Variants in C3orf49 observed in about 807,000 individuals in gnomAD.
C3orf49 encodes the protein putative uncharacterized protein C3orf49.
In C3orf49, 27 loss-of-function variants were observed where a neutral mutation model predicts 13.3. The observed-to-expected ratio is 2.02, with a 90% confidence interval of 1.49 to 2.79. C3orf49 has a LOEUF of 2.79. Among genes scored for constraint, C3orf49 ranks in the 30% most tolerant of loss-of-function variants. The pLI is 0.00. For synonymous variants in C3orf49, 87 were observed against 47.6 expected (o/e 1.83, Z -3.40); for missense variants, 242 against 134.2 (o/e 1.80, Z -3.97).
chr3:63,805,568 A>G, the C3orf49 span, among the ~76,000 whole-genome samples: 5 of 152,230 alleles, frequency 3.3e-5, no homozygotes, highest in African/African-American at 1.2e-4. Flanking sequence ...CTTCATGTTC[A>G]CATCCTTTCT....
chr3:63,834,375 C>A (rs1472672267), intron 5 of C3orf49, among the ~76,000 whole-genome samples: 2 of 151,622 alleles, frequency 1.3e-5, no homozygotes, highest in Non-Finnish European at 2.9e-5. Flanking sequence ...AAAAAAAAAT[C>A]CAGGCAGGGT....
rs552276918 is a variant in C3orf49, at chr3:63,843,035, G to T, written c.850-1988G>T. 7.9e-5 allele frequency among the ~76,000 whole-genome samples: 12 copies of T among 151,612 alleles called. 1 individual carries two copies. In the South Asian group the frequency reaches 2.5e-3, roughly 32 times the overall value. On this transcript the variant is annotated intron_variant, in intron 5 of 6. Transcript: ENST00000295896. ...ACTACTGAACTCAAGTGATCCACATGCCTCAACCTCCCAAGTGCTGGAATT... is the reference window on the plus strand; with the variant it reads ...ACTACTGAACTCAAGTGATCCACATTCCTCAACCTCCCAAGTGCTGGAATT...
chr3:63,786,194 A>C, the C3orf49 span: 1 of 151,004 alleles, frequency 6.6e-6, no homozygotes, highest in African/African-American at 2.4e-5. Context: ...GCCCATTCCC[A>C]CTCCCCTGAC....
chr3:63,779,756 T>C, the C3orf49 span: 4 of 152,150 alleles, frequency 2.6e-5, no homozygotes, highest in Admixed American at 6.5e-5. Context: ...GGAGGAAATA[T>C]AAAGATCAAC....
intron 5 of C3orf49, among the ~76,000 whole-genome samples, chr3:63,834,764 G>A (rs181165251): frequency 7.8e-4 from 118 of 152,056 alleles, no homozygotes; most frequent in Middle Eastern, 6.8e-3. Context: ...AATATAAAGA[G>A]CAAGTCTCCA....
chr3:63,805,528 T>C, the C3orf49 span, among the ~76,000 whole-genome samples: 2 of 152,212 alleles, frequency 1.3e-5, no homozygotes, highest in Non-Finnish European at 2.9e-5. Flanking sequence ...CAAAGGACTT[T>C]ATTACTCATA....
At chr3:63,821,839 T>C (rs1701398499) in intron 1 of C3orf49, among the ~76,000 whole-genome samples, 1 of 151,992 alleles carries the variant, frequency 6.6e-6, no homozygotes, top group African/African-American at 2.4e-5. Flanking sequence ...ACATGAGGGA[T>C]CCTGGTGTTA....
intron 5 of C3orf49, chr3:63,833,811 G>T: frequency 4.9e-6 from 1 of 204,250 alleles, no homozygotes; most frequent in South Asian, 1.4e-4. Context: ...AACTTATTTT[G>T]TAAGCCAATC....
chr3:63,819,241 A>G, upstream of C3orf49: 1 of 429,594 alleles, frequency 2.3e-6, no homozygotes, highest in Non-Finnish European at 4.2e-6. Context: ...AGCTCTGTCA[A>G]ATACATCACT....
the C3orf49 span, among the ~76,000 whole-genome samples, chr3:63,812,354 A>C: frequency 6.6e-6 from 1 of 152,218 alleles, no homozygotes; most frequent in Non-Finnish European, 1.5e-5. Context: ...GTTGGACCAC[A>C]TCCAAAGCCA....
At chr3:63,790,859 C>T in the C3orf49 span, among the ~76,000 whole-genome samples, 2 of 152,086 alleles carry the variant, frequency 1.3e-5, no homozygotes, top group African/African-American at 4.8e-5. Flanking sequence ...TTCAGAAAAA[C>T]TGTGGAAGAG....
chr3:63,822,986 G>T (rs1364484387), intron 1 of C3orf49, among the ~76,000 whole-genome samples: 1 of 152,170 alleles, frequency 6.6e-6, no homozygotes, highest in Non-Finnish European at 1.5e-5. Flanking sequence ...TTACTCATAA[G>T]TAAAATGAAG....
intron 5 of C3orf49, chr3:63,835,502 T>A: frequency 1.1e-6 from 1 of 896,798 alleles, no homozygotes; most frequent in Non-Finnish European, 1.7e-6. Flanking sequence ...AAAGGGCTTA[T>A]AAGGAGTTAT....
the C3orf49 span, among the ~76,000 whole-genome samples, chr3:63,794,124 C>T: frequency 6.6e-6 from 1 of 151,808 alleles, no homozygotes. Flanking sequence ...CACTGCATTC[C>T]AGCCTGGGCA....
intron 5 of C3orf49, chr3:63,833,816 C>A (rs968018582): frequency 1.9e-5 from 4 of 211,440 alleles, no homozygotes; most frequent in Middle Eastern, 1.7e-3. Flanking sequence ...ATTTTGTAAG[C>A]CAATCAATGT....
chr3:63,831,778 T>C lies in C3orf49; in HGVS notation c.783T>C (p.Ile261=). The change falls in exon 5 of 7, where the codon ATT becomes ATC. Residue 261 remains isoleucine, a synonymous_variant. Coordinates refer to ENST00000295896, the MANE Select transcript of C3orf49 (RefSeq NM_001355236.2). ...LQQCEFLGDE[I]LQSSKQFQRI... is the part of the protein sequence containing the mutation. Reference sequence around the variant, plus strand: ...AGTGTGAGTTTCTGGGGGATGAAATTCTTCAGTCTTCTAAACAGTTCCAGA... The same window carrying C: ...AGTGTGAGTTTCTGGGGGATGAAATCCTTCAGTCTTCTAAACAGTTCCAGA... 1.4e-6 allele frequency: 1 copy of C among 702,970 alleles called. No individual in the cohort carries two copies. The highest frequency in any genetic ancestry group is 2.6e-6 in the Non-Finnish European group (1 of 384,996). The allele number at this position is 702,970 out of a possible 1,614,324, so 43.5% of individuals were successfully genotyped here. A position where few individuals can be genotyped will look rare whatever the true frequency, so the allele number is the denominator to read the frequency against.
intron 6 of C3orf49, among the ~76,000 whole-genome samples, chr3:63,845,703 A>G (rs1220427631): frequency 6.6e-6 from 1 of 152,174 alleles, no homozygotes; most frequent in African/African-American, 2.4e-5. Flanking sequence ...TAAGTTGGTC[A>G]AGGCGATCTC....
At chr3:63,795,299 G>A in the C3orf49 span, among the ~76,000 whole-genome samples, 69 of 152,232 alleles carry the variant, frequency 4.5e-4, no homozygotes, top group South Asian at 3.3e-3. Flanking sequence ...AAACGTCTAG[G>A]GGGTATTTGA....
chr3:63,837,891 G>T, intron 5 of C3orf49: 1 of 1,258,090 alleles, frequency 7.9e-7, no homozygotes, highest in Non-Finnish European at 1.1e-6. Flanking sequence ...TCAGGCTGCA[G>T]ATTTTACCTC....
Sources: allele counts gnomAD v4.1 joint callset (sites outside exome capture counted in the v4.1 genomes callset), GRCh38; gene constraint gnomAD v4.1.1; transcripts MANE v1.5; gene names NCBI Gene and HGNC (gene_info 2026-07-23, HGNC 2026-07-21).